Variants in MSH4 observed in about 807,000 individuals in gnomAD.
MSH4 encodes the protein mutS protein homolog 4.
MSH4 carries 106 observed loss-of-function variants against 113.7 expected under a neutral mutation model. The observed-to-expected ratio is 0.93, with a 90% CI of 0.80 to 1.10. The LOEUF is 1.10. Ranked by LOEUF, MSH4 falls within the 50% of genes least tolerant of loss-of-function variation. The pLI is 0.00. For synonymous variants in MSH4, 368 were observed against 380.2 expected (o/e 0.97, Z 0.37); for missense variants, 1,061 against 1,093.7 (o/e 0.97, Z 0.42).
chr1:75,881,212 A>C, intron 13 of MSH4, 34 bp from the exon 14 acceptor site: 1 of 1,483,242 alleles, frequency 6.7e-7, no homozygotes, highest in Non-Finnish European at 9.1e-7. Flanking sequence ...TTTTGAAAAA[A>C]CATTATTACA....
chr1:75,832,270 G>T (rs770920908), intron 7 of MSH4, among the ~76,000 whole-genome samples: 1 of 152,100 alleles, frequency 6.6e-6, no homozygotes, highest in African/African-American at 2.4e-5. Flanking sequence ...CCAATAACAG[G>T]CTCTGAAATT....
chr1:75,897,925 A>C lies in MSH4; in HGVS notation c.2374A>C (p.Thr792Pro), dbSNP rs557796016. Residue 792 changes from threonine to proline, a missense_variant, in exon 18 of 20, where the codon ACA (threonine) becomes CCA (proline). Physicochemically the swap from Thr to Pro is conservative, Grantham distance 38. Coordinates refer to ENST00000263187, the MANE Select transcript of MSH4 (RefSeq NM_002440.4). ...LSLKAFTLFA[T>P]HFLELCHIDA... ...ATTCCAGGCATTTACACTGTTTGCT[A>C]CACATTTCCTGGAACTATGCCATAT... The C allele has an allele frequency of 6.4e-7, 1 of 1,568,548 alleles. No homozygotes were observed. The highest frequency in any genetic ancestry group is 1.8e-5 in the Admixed American group (1 of 54,190).
chr1:75,805,042 G>A (rs568232933), intron 2 of MSH4, among the ~76,000 whole-genome samples: 1 of 152,022 alleles, frequency 6.6e-6, no homozygotes, highest in East Asian at 1.9e-4. Flanking sequence ...GGCCAGGCTG[G>A]TCTTGAACTC....
intron 15 of MSH4, among the ~76,000 whole-genome samples, chr1:75,887,415 C>T (rs2100580045): frequency 6.6e-6 from 1 of 152,162 alleles, no homozygotes; most frequent in South Asian, 2.1e-4. Context: ...ATTACTCAGT[C>T]TCAGGGATTT....
intron 15 of MSH4, among the ~76,000 whole-genome samples, chr1:75,884,999 AT>A (rs1285744582): frequency 1.4e-5 from 2 of 144,576 alleles, no homozygotes; most frequent in East Asian, 4.0e-4. Flanking sequence ...GTGTATATAT[AT>A]GTGTGTGTGT....
intron 10 of MSH4, among the ~76,000 whole-genome samples, chr1:75,877,590 G>A (rs1369597321): frequency 1.3e-5 from 2 of 152,126 alleles, no homozygotes; most frequent in Admixed American, 1.3e-4. Flanking sequence ...AATATAGAAT[G>A]GAATGAAGGA....
At chr1:75,810,919 T>C in intron 4 of MSH4, 112 bp downstream of exon 4, 2 of 503,094 alleles carry the variant, frequency 4.0e-6, no homozygotes, top group Non-Finnish European at 6.6e-6. Flanking sequence ...TCACCCAGGC[T>C]GGAGTGAAAG....
At chr1:75,826,097 G>A (rs533778358) in intron 7 of MSH4, among the ~76,000 whole-genome samples, 2 of 138,646 alleles carry the variant, frequency 1.4e-5, no homozygotes, top group African/African-American at 4.9e-5. Flanking sequence ...CTGGTCCTGA[G>A]CTTTTTTTGG....
chr1:75,894,528 T>C (rs2100585804), intron 17 of MSH4, among the ~76,000 whole-genome samples: 1 of 152,344 alleles, frequency 6.6e-6, no homozygotes, highest in African/African-American at 2.4e-5. Context: ...TGGTAGCAGA[T>C]TGATTACATT....
intron 3 of MSH4, among the ~76,000 whole-genome samples, chr1:75,809,630 T>G (rs1429845164): frequency 3.6e-4 from 1 of 2,782 alleles, no homozygotes; most frequent in African/African-American, 9.9e-4. Flanking sequence ...ATAGTTACCC[T>G]TTTTTTTTTT....
chr1:75,860,671 A>G (rs889823689), intron 8 of MSH4, among the ~76,000 whole-genome samples: 2 of 152,074 alleles, frequency 1.3e-5, no homozygotes, highest in Non-Finnish European at 2.9e-5. Context: ...GGGTAACCTG[A>G]CCTTTCTCTG....
chr1:75,867,126 G>T (rs1381926756), intron 8 of MSH4, among the ~76,000 whole-genome samples: 2 of 152,168 alleles, frequency 1.3e-5, no homozygotes, highest in African/African-American at 2.4e-5. Context: ...CTATCTGGGA[G>T]GTTTGGATTC....
intron 7 of MSH4, among the ~76,000 whole-genome samples, chr1:75,825,902 C>T (rs1401917333): frequency 6.6e-6 from 1 of 152,164 alleles, no homozygotes; most frequent in Non-Finnish European, 1.5e-5. Flanking sequence ...CAATGTTCAT[C>T]AGGGATATTG....
At chr1:75,884,319 A>G (rs569964017) in intron 15 of MSH4, among the ~76,000 whole-genome samples, 3 of 152,144 alleles carry the variant, frequency 2.0e-5, no homozygotes, top group African/African-American at 7.2e-5. Flanking sequence ...ATGTGCATAC[A>G]TGCATCTAAA....
intron 6 of MSH4, among the ~76,000 whole-genome samples, chr1:75,819,072 T>C (rs1650352390): frequency 6.6e-6 from 1 of 152,086 alleles, no homozygotes; most frequent in Non-Finnish European, 1.5e-5. Flanking sequence ...GGCCTGTTTT[T>C]GTTTTTTTTA....
chr1:75,861,228 A>G (rs1274162550), intron 8 of MSH4, among the ~76,000 whole-genome samples: 2 of 152,126 alleles, frequency 1.3e-5, no homozygotes, highest in Non-Finnish European at 2.9e-5. Context: ...AGCTTGGAGA[A>G]GTTTGTTATT....
Position 75,902,901 on chromosome 1 carries a change from C to T in MSH4, c.2619+3195C>T, listed in dbSNP as rs1034477766. Among the ~76,000 whole-genome samples the T allele has an allele frequency of 4.0e-5, 6 of 150,246 alleles. No homozygotes were observed. The East Asian group carries it at 1.2e-3, about 30-fold the overall frequency. On this transcript the variant is annotated intron_variant, in intron 19 of 19. Coordinates refer to ENST00000263187, the MANE Select transcript of MSH4 (RefSeq NM_002440.4). ...ATTTTTTTGCTATTGAGTTGAGTTA[C>T]TTAGATGTTTTGGTTATTATTTCTT...
intron 19 of MSH4, among the ~76,000 whole-genome samples, chr1:75,900,631 A>G (rs902114422): frequency 3.3e-5 from 5 of 152,092 alleles, no homozygotes; most frequent in Admixed American, 2.0e-4. Context: ...TAAAAATGCA[A>G]TGTGTTCAGT....
intron 7 of MSH4, among the ~76,000 whole-genome samples, chr1:75,843,694 C>A (rs947450373): frequency 6.6e-6 from 1 of 152,050 alleles, no homozygotes; most frequent in African/African-American, 2.4e-5. Flanking sequence ...AATGAATTAC[C>A]ATAGAAACAG....
Sources: allele counts gnomAD v4.1 joint callset (sites outside exome capture counted in the v4.1 genomes callset), GRCh38; gene constraint gnomAD v4.1.1; transcripts MANE v1.5; gene names NCBI Gene and HGNC (gene_info 2026-07-23, HGNC 2026-07-21).